PLEKHA2: variants seen among roughly 807,000 people sequenced by gnomAD.
PLEKHA2 encodes the protein pleckstrin homology domain containing A2, also known as pleckstrin homology domain-containing family A member 2.
In PLEKHA2, 28 loss-of-function variants were observed where a neutral mutation model predicts 53.2. The ratio of observed to expected loss-of-function variants is 0.53; its 90% CI spans 0.39 to 0.72. The LOEUF is 0.72. PLEKHA2 is among the 30% of genes least tolerant of loss of function. PLEKHA2 has a pLI of 0.00. For synonymous variants in PLEKHA2, 193 were observed against 196.4 expected (o/e 0.98, Z 0.14); for missense variants, 426 against 537.9 (o/e 0.79, Z 2.06).
intron 3 of PLEKHA2, among the ~76,000 whole-genome samples, chr8:38,942,263 G>A (rs1479078153): frequency 6.6e-6 from 1 of 152,066 alleles, no homozygotes; most frequent in Non-Finnish European, 1.5e-5. Context: ...AATTAGCTGG[G>A]TGTGGTGGTA....
At chr8:38,965,947 C>A (rs1009253458) in intron 10 of PLEKHA2, among the ~76,000 whole-genome samples, 1 of 152,106 alleles carries the variant, frequency 6.6e-6, no homozygotes, top group Non-Finnish European at 1.5e-5. Context: ...TTGTAAAGAA[C>A]CTTCTGGAAG....
At chr8:38,905,261 C>T (rs1422834127) in intron 1 of PLEKHA2, among the ~76,000 whole-genome samples, 1 of 151,960 alleles carries the variant, frequency 6.6e-6, no homozygotes, top group Non-Finnish European at 1.5e-5. Context: ...AGTTTAAGAC[C>T]AGCCTGGGGA....
chr8:38,955,701 C>T (rs899626362), intron 9 of PLEKHA2, among the ~76,000 whole-genome samples: 2 of 152,224 alleles, frequency 1.3e-5, no homozygotes, highest in Non-Finnish European at 1.5e-5. Context: ...CGAGGTAGTG[C>T]CATTTTCTTG....
chr8:38,907,310 T>C (rs890489217), intron 1 of PLEKHA2, among the ~76,000 whole-genome samples: 6 of 152,198 alleles, frequency 3.9e-5, no homozygotes, highest in Non-Finnish European at 7.3e-5. Flanking sequence ...ATCTCTGTTA[T>C]CACTTTCTCT....
chr8:38,919,836 C>A (rs977121256), intron 2 of PLEKHA2, among the ~76,000 whole-genome samples: 1 of 152,186 alleles, frequency 6.6e-6, no homozygotes, highest in African/African-American at 2.4e-5. Flanking sequence ...TTTGAAGTGC[C>A]TAGTATTCAG....
chr8:38,930,186 C>CTTTGTTTA (rs1834364042), intron 2 of PLEKHA2, among the ~76,000 whole-genome samples: 3 of 150,484 alleles, frequency 2.0e-5, no homozygotes, highest in African/African-American at 7.3e-5. Flanking sequence ...AACCACCTAT[C>CTTTGTTTA]TTTATTTATT....
At chr8:38,950,309 C>G (rs1834803994) in intron 5 of PLEKHA2, among the ~76,000 whole-genome samples, 1 of 152,176 alleles carries the variant, frequency 6.6e-6, no homozygotes, top group Non-Finnish European at 1.5e-5. Context: ...GCTGGGGTTA[C>G]AGGTGTGAGG....
chr8:38,959,390 T>C (rs909246387), intron 10 of PLEKHA2, among the ~76,000 whole-genome samples: 1 of 152,222 alleles, frequency 6.6e-6, no homozygotes, highest in African/African-American at 2.4e-5. Flanking sequence ...ATATGCCTTA[T>C]TGAAGAGCTC....
In PLEKHA2 at chr8:38,913,748, G is replaced by GC. The variant is rs552961395; in HGVS notation, c.-23-4154dup. On this transcript the variant is annotated intron_variant, in intron 1 of 11. Transcript: ENST00000617275. ...GCTTCTTTCCAGGATATGCTCCCCC[G>GC]CCCCCAGCCAGCGCCAGACCACTCC... Among the ~76,000 whole-genome samples the GC allele has an allele frequency of 2.6e-5, 4 of 152,208 alleles. No individual in the cohort carries two copies. In the South Asian group the frequency reaches 8.3e-4, roughly 32 times the overall value.
At chr8:38,951,030 T>C in intron 6 of PLEKHA2, 40 bp downstream of exon 6, 1 of 1,512,014 alleles carries the variant, frequency 6.6e-7, no homozygotes. Context: ...AGTGGGGGTG[T>C]GGAAGTGTCC....
intron 6 of PLEKHA2, 77 bp from the exon 7 acceptor site, chr8:38,952,089 T>G: frequency 6.6e-7 from 1 of 1,513,816 alleles, no homozygotes; most frequent in Non-Finnish European, 9.0e-7. Context: ...GGCCAGAGAT[T>G]CAGGCAGAGG....
intron 4 of PLEKHA2, among the ~76,000 whole-genome samples, chr8:38,944,513 A>G (rs1834671756): frequency 6.6e-6 from 1 of 151,800 alleles, no homozygotes; most frequent in Non-Finnish European, 1.5e-5. Flanking sequence ...AGAAAAAAAA[A>G]AGAGGTTTAA....
At chr8:38,933,778 TAAAA>T (rs774899490) in intron 2 of PLEKHA2, among the ~76,000 whole-genome samples, 1 of 49,048 alleles carries the variant, frequency 2.0e-5, no homozygotes, top group Non-Finnish European at 4.7e-5. Flanking sequence ...AGAGGTTTCC[TAAAA>T]AAAAAAAAAA....
intron 1 of PLEKHA2, among the ~76,000 whole-genome samples, chr8:38,914,095 C>T (rs891759497): frequency 1.3e-5 from 2 of 152,218 alleles, no homozygotes; most frequent in Non-Finnish European, 2.9e-5. Context: ...ACTGCAGCTC[C>T]TCTGACTTCT....
chr8:38,938,850 G>A (rs1834545420), intron 3 of PLEKHA2, among the ~76,000 whole-genome samples: 1 of 151,884 alleles, frequency 6.6e-6, no homozygotes, highest in Admixed American at 6.6e-5. Context: ...AGGAGGTGAA[G>A]CCACCACGTC....
In PLEKHA2 at chr8:38,969,919, G is replaced by A; in HGVS notation, c.*136G>A. On this transcript the variant is annotated 3_prime_UTR_variant, in exon 12 of 12. Coordinates refer to ENST00000617275, the MANE Select transcript of PLEKHA2 (RefSeq NM_021623.2). The stretch of plus-strand genomic sequence containing the variant: ...ATATTCCTGTGGATGCTCTTTGGGA[G>A]GGAGGGGCCCATCCAGCTGGGCTGT... 7.9e-7 allele frequency: 1 copy of A among 1,270,110 alleles called. No homozygotes were observed. The highest frequency in any genetic ancestry group is 1.1e-6 in the Non-Finnish European group (1 of 936,018). 78.7% of individuals were successfully genotyped at this position (1,270,110 alleles called of 1,614,324 possible).
At chr8:38,901,884 C>G (rs886419910) in intron 1 of PLEKHA2, 1 of 152,222 alleles carries the variant, frequency 6.6e-6, no homozygotes, top group East Asian at 1.9e-4. Context: ...GAGCAGAGAA[C>G]GTCCCCAGGC....
At chr8:38,925,007 A>G (rs1417704451) in intron 2 of PLEKHA2, among the ~76,000 whole-genome samples, 3 of 152,236 alleles carry the variant, frequency 2.0e-5, no homozygotes, top group African/African-American at 4.8e-5. Context: ...GACAATATCA[A>G]GCAAACTTTT....
At chr8:38,946,317 G>A (rs997113002) in intron 5 of PLEKHA2, 96 bp downstream of exon 5, 5 of 1,082,636 alleles carry the variant, frequency 4.6e-6, no homozygotes, top group Admixed American at 4.1e-5. Flanking sequence ...ATGGCAGCGG[G>A]GACTTTCCCA....
Sources: gnomAD v4.1 joint callset for allele counts (sites outside exome capture counted in the v4.1 genomes callset) on GRCh38, gnomAD v4.1.1 for gene constraint, MANE v1.5 for transcripts, NCBI Gene and HGNC (gene_info 2026-07-23, HGNC 2026-07-21) for gene names.